RBPJ: variants seen among roughly 807,000 people sequenced by gnomAD.
RBPJ encodes recombination signal binding protein for immunoglobulin kappa J region.
A neutral mutation model predicts 67.8 loss-of-function variants in RBPJ; 9 were observed. The observed-to-expected ratio is 0.13, with a 90% CI of 0.08 to 0.23. RBPJ has a LOEUF of 0.23. Among genes scored for constraint, RBPJ ranks in the 10% least tolerant of loss-of-function variants. RBPJ has a pLI of 1.00. For synonymous variants in RBPJ, 198 were observed against 203.3 expected (o/e 0.97, Z 0.22); for missense variants, 305 against 595.6 (o/e 0.51, Z 5.08).
At chr4:26,415,703 T>C in intron 4 of RBPJ, 63 bp downstream of exon 4, 1 of 1,452,052 alleles carries the variant, frequency 6.9e-7, no homozygotes, top group Admixed American at 2.5e-5. Context: ...AGTTTTCATA[T>C]TCATTTTTGT....
At chr4:26,202,237 C>T (rs568231228) in intron 1 of RBPJ, among the ~76,000 whole-genome samples, 1 of 152,100 alleles carries the variant, frequency 6.6e-6, no homozygotes, top group South Asian at 2.1e-4. Context: ...AAGGAATCTC[C>T]AGTTCCAAAT....
chr4:26,428,509 C>A (rs1735904144), intron 7 of RBPJ: 1 of 462,166 alleles, frequency 2.2e-6, no homozygotes, highest in African/African-American at 2.0e-5. Context: ...AAGAGGGTAA[C>A]AGTTTCTACA....
At chr4:26,191,725 C>A (rs1286952917) in intron 1 of RBPJ, among the ~76,000 whole-genome samples, 3 of 152,160 alleles carry the variant, frequency 2.0e-5, no homozygotes, top group Admixed American at 2.0e-4. Flanking sequence ...GACTTAGTAT[C>A]CAGGGTTTCA....
chr4:26,382,938 T>C (rs1184461874), intron 1 of RBPJ, among the ~76,000 whole-genome samples: 2 of 152,230 alleles, frequency 1.3e-5, no homozygotes, highest in African/African-American at 4.8e-5. Context: ...CAGTAACCAT[T>C]AGCTTTAATG....
At chr4:26,341,120 C>T (rs111828465) in intron 1 of RBPJ, among the ~76,000 whole-genome samples, 9 of 152,106 alleles carry the variant, frequency 5.9e-5, no homozygotes, top group East Asian at 1.9e-4. Flanking sequence ...TTGGTGGCAA[C>T]GTAATGCTAA....
chr4:26,293,693 A>G (rs935564521), intron 1 of RBPJ, among the ~76,000 whole-genome samples: 3 of 138,320 alleles, frequency 2.2e-5, no homozygotes, highest in African/African-American at 7.9e-5. Context: ...AGATTTTCCA[A>G]TGCTAATTAT....
the RBPJ span, among the ~76,000 whole-genome samples, chr4:26,145,992 A>G: frequency 1.3e-5 from 2 of 152,206 alleles, no homozygotes; most frequent in African/African-American, 2.4e-5. Context: ...GGATGAGTGC[A>G]ATCGTATGAT....
At chr4:26,356,296 C>T (rs1366232122) in intron 1 of RBPJ, among the ~76,000 whole-genome samples, 1 of 152,204 alleles carries the variant, frequency 6.6e-6, no homozygotes, top group Non-Finnish European at 1.5e-5. Context: ...TGCACATGCA[C>T]TTGGGCTCTG....
chr4:26,321,125 C>A (rs1316831763), intron 1 of RBPJ, 77 bp downstream of exon 1: 5 of 1,210,946 alleles, frequency 4.1e-6, no homozygotes, highest in Non-Finnish European at 5.9e-6. Context: ...GCAGCGGGTT[C>A]GGGGGCCGCG....
At chr4:26,401,948 G>C (rs889268610) in intron 2 of RBPJ, among the ~76,000 whole-genome samples, 3 of 149,582 alleles carry the variant, frequency 2.0e-5, no homozygotes, top group Non-Finnish European at 4.4e-5. Context: ...GAGTGCAATG[G>C]TGCAATCTTG....
At chr4:26,263,634 C>G (rs975523776) in intron 1 of RBPJ, among the ~76,000 whole-genome samples, 2 of 152,076 alleles carry the variant, frequency 1.3e-5, no homozygotes. Context: ...TGCAACGGCC[C>G]GATCTCTGCT....
At chr4:26,318,711 A>G (rs1169401597), upstream of RBPJ, among the ~76,000 whole-genome samples, 1 of 152,086 alleles carries the variant, frequency 6.6e-6, no homozygotes, top group Non-Finnish European at 1.5e-5. Flanking sequence ...GAAAACAACC[A>G]ATTGCTGCCA....
At chr4:26,364,598 C>CTTTTTTTTTTTTTCTTTTTCATTTTCTT (rs1560296397) in intron 1 of RBPJ, among the ~76,000 whole-genome samples, 36 of 125,400 alleles carry the variant, frequency 2.9e-4, no homozygotes, top group Non-Finnish European at 5.1e-4. Context: ...ATTTGGAAGA[C>CTTTTTTTTTTTTTCTTTTTCATTTTCTT]TTTTTTTTTT....
chr4:26,395,110 G>A (rs1264578171), intron 2 of RBPJ, among the ~76,000 whole-genome samples: 2 of 152,136 alleles, frequency 1.3e-5, no homozygotes, highest in Admixed American at 1.3e-4. Context: ...CTGTTGGCTT[G>A]CTTTGAAGGT....
chr4:26,226,031 C>T (rs1370838953), intron 1 of RBPJ, among the ~76,000 whole-genome samples: 4 of 151,754 alleles, frequency 2.6e-5, no homozygotes, highest in Non-Finnish European at 5.9e-5. Context: ...TGCCTGTAAT[C>T]TCAGCTACTC....
chr4:26,316,679 T>C (rs962521273), upstream of RBPJ, among the ~76,000 whole-genome samples: 3 of 144,408 alleles, frequency 2.1e-5, no homozygotes, highest in Non-Finnish European at 4.5e-5. Context: ...TACACATATA[T>C]ATATATACAC....
chr4:26,372,021 A>C (rs1729205695), intron 1 of RBPJ, among the ~76,000 whole-genome samples: 1 of 152,194 alleles, frequency 6.6e-6, no homozygotes, highest in Non-Finnish European at 1.5e-5. Context: ...TTCCTTTTTA[A>C]ATTAGAAATA....
chr4:26,281,783 A>G (rs1171882028), intron 1 of RBPJ, among the ~76,000 whole-genome samples: 1 of 152,226 alleles, frequency 6.6e-6, no homozygotes, highest in Non-Finnish European at 1.5e-5. Context: ...CCCATTTACA[A>G]TGAGCTACAC....
At chr4:26,214,621 A>G (rs1284806699) in intron 1 of RBPJ, among the ~76,000 whole-genome samples, 1 of 95,412 alleles carries the variant, frequency 1.0e-5, no homozygotes, top group Non-Finnish European at 2.0e-5. Flanking sequence ...AATGAAAAAG[A>G]AAAAAGAGAA....
Sources: allele counts gnomAD v4.1 joint callset (sites outside exome capture counted in the v4.1 genomes callset), GRCh38; gene constraint gnomAD v4.1.1; transcripts MANE v1.5; gene names NCBI Gene and HGNC (gene_info 2026-07-23, HGNC 2026-07-21).